Variants in GARIN5A observed in about 807,000 individuals in gnomAD.
The protein encoded by GARIN5A is Golgi-associated RAB2 interactor protein 5A.
At chr19:50,473,609 C>G in the GARIN5A span, among the ~76,000 whole-genome samples, 1 of 152,178 alleles carries the variant, frequency 6.6e-6, no homozygotes, top group Non-Finnish European at 1.5e-5. Context: ...ATCCTCCCAC[C>G]TCAGCCTCCC....
chr19:50,471,690 GTATA>G, the GARIN5A span, among the ~76,000 whole-genome samples: 1 of 146,344 alleles, frequency 6.8e-6, no homozygotes, highest in Admixed American at 6.7e-5. Flanking sequence ...GCACGTGTGT[GTATA>G]CGCATACATG....
the GARIN5A span, among the ~76,000 whole-genome samples, chr19:50,475,153 CCT>C: frequency 6.6e-6 from 1 of 152,196 alleles, no homozygotes; most frequent in Non-Finnish European, 1.5e-5. Context: ...ATTTCTGGCC[CCT>C]GAGGGCTGCT....
At chr19:50,471,990 A>T in the GARIN5A span, among the ~76,000 whole-genome samples, 2 of 147,162 alleles carry the variant, frequency 1.4e-5, no homozygotes, top group Non-Finnish European at 2.9e-5. Flanking sequence ...GTGTATATGT[A>T]TATATACGTG....
the GARIN5A span, among the ~76,000 whole-genome samples, chr19:50,472,216 G>GTATGTATATATACATGTGTGTGTGTA: frequency 7.7e-6 from 1 of 129,380 alleles, no homozygotes; most frequent in Non-Finnish European, 1.6e-5. Context: ...ATACATGTGT[G>GTATGTATATATACATGTGTGTGTGTA]TATGTATATA....
At chr19:50,475,444 C>T in the GARIN5A span, 16 of 1,605,676 alleles carry the variant, frequency 1.0e-5, no homozygotes, top group Middle Eastern at 1.7e-4. Flanking sequence ...CAACTTCTCC[C>T]AACCGAGTCA....
the GARIN5A span, among the ~76,000 whole-genome samples, chr19:50,474,608 G>A: frequency 1.3e-5 from 2 of 152,168 alleles, no homozygotes; most frequent in Admixed American, 6.6e-5. Context: ...GCCTCCCAAA[G>A]TGCTGGGATT....
chr19:50,471,837 T>G, the GARIN5A span, among the ~76,000 whole-genome samples: 2 of 140,894 alleles, frequency 1.4e-5, no homozygotes, highest in Non-Finnish European at 3.0e-5. Context: ...CGCATACATA[T>G]CTGTGTGCAT....
At chr19:50,476,213 T>C in the GARIN5A span, 1 of 1,613,510 alleles carries the variant, frequency 6.2e-7, no homozygotes, top group Non-Finnish European at 8.5e-7. Context: ...AATGTCCCCG[T>C]CCGACGGGAG....
the GARIN5A span, chr19:50,476,278 G>A: frequency 6.2e-7 from 1 of 1,607,044 alleles, no homozygotes; most frequent in Non-Finnish European, 8.5e-7. Context: ...GCACTGTGAC[G>A]TCATGATGCG....
the GARIN5A span, among the ~76,000 whole-genome samples, chr19:50,471,960 ATG>A: frequency 5.5e-4 from 82 of 147,800 alleles, 1 homozygote; most frequent in Non-Finnish European, 1.0e-3. Context: ...ACATGTATGT[ATG>A]TATATATACA....
the GARIN5A span, chr19:50,476,515 C>A: frequency 1.3e-6 from 2 of 1,569,504 alleles, no homozygotes; most frequent in Non-Finnish European, 1.7e-6. Context: ...TGGCTCACAG[C>A]CGTCCCTTCG....
At chr19:50,475,332 G>T in the GARIN5A span, 1 of 1,594,102 alleles carries the variant, frequency 6.3e-7, no homozygotes, top group Non-Finnish European at 8.6e-7. Flanking sequence ...TACCCGAAGA[G>T]TTGCAGGTGT....
chr19:50,470,906 G>A, the GARIN5A span, among the ~76,000 whole-genome samples: 7 of 151,326 alleles, frequency 4.6e-5, no homozygotes, highest in East Asian at 5.9e-4. Flanking sequence ...CACCCGCCTC[G>A]GCCTCCCAAA....
At chr19:50,475,193 A>C in the GARIN5A span, 16 of 1,334,180 alleles carry the variant, frequency 1.2e-5, no homozygotes, top group Non-Finnish European at 1.6e-5. Context: ...GGTAGATGGC[A>C]GCTCAGGGAG....
At chr19:50,467,245 C>T in the GARIN5A span, among the ~76,000 whole-genome samples, 6 of 152,046 alleles carry the variant, frequency 3.9e-5, no homozygotes, top group Non-Finnish European at 5.9e-5. Context: ...GGCTGGGGCA[C>T]GGGTGTGGGT....
the GARIN5A span, among the ~76,000 whole-genome samples, chr19:50,474,346 ATTT>A: frequency 4.0e-5 from 5 of 124,364 alleles, no homozygotes; most frequent in Non-Finnish European, 8.5e-5. Context: ...CACCTGGCTA[ATTT>A]TTTTTTTTTT....
the GARIN5A span, among the ~76,000 whole-genome samples, chr19:50,472,159 T>TGC: frequency 2.0e-5 from 3 of 148,044 alleles, no homozygotes; most frequent in African/African-American, 7.7e-5. Context: ...TGTGTATATG[T>TGC]ATGTATACGT....
the GARIN5A span, among the ~76,000 whole-genome samples, chr19:50,468,626 G>A: frequency 6.6e-6 from 1 of 152,020 alleles, no homozygotes; most frequent in African/African-American, 2.4e-5. Context: ...TTTTGAGATA[G>A]AGGGTCTCAC....
At chr19:50,476,110 G>A in the GARIN5A span, 2 of 1,612,206 alleles carry the variant, frequency 1.2e-6, no homozygotes, top group Non-Finnish European at 1.7e-6. Context: ...ACCCCTCTAG[G>A]CCTGGCTCCC....
Sources: allele counts gnomAD v4.1 joint callset (sites outside exome capture counted in the v4.1 genomes callset), GRCh38; gene constraint gnomAD v4.1.1; transcripts MANE v1.5; gene names NCBI Gene and HGNC (gene_info 2026-07-23, HGNC 2026-07-21).